ZC3H7B: variants seen among roughly 807,000 people sequenced by gnomAD.
The protein encoded by ZC3H7B is zinc finger CCCH-type containing 7B.
ZC3H7B carries 35 observed loss-of-function variants against 116.0 expected under a neutral mutation model. The ratio of observed to expected loss-of-function variants is 0.30; its 90% CI spans 0.23 to 0.40. The LOEUF (loss-of-function observed/expected upper bound fraction) is 0.40, where lower values mean the gene tolerates loss of function less well. ZC3H7B is among the 10% of genes least tolerant of loss of function. The probability of loss-of-function intolerance (pLI) is 1.00; values close to 1 mark genes in which losing one functional copy is unlikely to be tolerated. For synonymous variants in ZC3H7B, 502 were observed against 545.6 expected (o/e 0.92, Z 1.11); for missense variants, 1,011 against 1,321.5 (o/e 0.77, Z 3.64).
chr22:41,319,193 C>T (rs376096870), intron 1 of ZC3H7B, among the ~76,000 whole-genome samples: 2 of 151,946 alleles, frequency 1.3e-5, no homozygotes, highest in Admixed American at 6.6e-5. Context: ...CGAGGTCAGG[C>T]GATCGAGACC....
intron 20 of ZC3H7B, 60 bp from the exon 21 acceptor site, chr22:41,356,283 A>G (rs960344927): frequency 1.2e-6 from 2 of 1,605,602 alleles, no homozygotes; most frequent in Admixed American, 1.7e-5. Flanking sequence ...AGTGGGGACC[A>G]TGGGGCAGAA....
intron 16 of ZC3H7B, among the ~76,000 whole-genome samples, chr22:41,350,140 C>T (rs1441998834): frequency 6.6e-6 from 1 of 152,046 alleles, no homozygotes; most frequent in Non-Finnish European, 1.5e-5. Flanking sequence ...GACTTTTGAC[C>T]AGGGAAGGGC....
chr22:41,356,584 G>T, intron 21 of ZC3H7B, 61 bp from the exon 22 acceptor site: 2 of 1,610,452 alleles, frequency 1.2e-6, no homozygotes, highest in African/African-American at 1.3e-5. Flanking sequence ...CAGCCTCTCC[G>T]AGGTGGGTGG....
chr22:41,343,721 T>G, intron 13 of ZC3H7B, 145 bp downstream of exon 13: 1 of 1,180,656 alleles, frequency 8.5e-7, no homozygotes, highest in Non-Finnish European at 1.1e-6. Flanking sequence ...CCTAGGCTCC[T>G]GGGGCCCGTG....
At chr22:41,339,237 G>T in intron 9 of ZC3H7B, 46 bp downstream of exon 9, 1 of 1,549,316 alleles carries the variant, frequency 6.5e-7, no homozygotes, top group Non-Finnish European at 8.7e-7. Flanking sequence ...CCCTCTCCCC[G>T]CTGTGTCCCC....
intron 1 of ZC3H7B, among the ~76,000 whole-genome samples, chr22:41,315,965 A>G (rs537736496): frequency 6.6e-6 from 1 of 152,168 alleles, no homozygotes; most frequent in African/African-American, 2.4e-5. Flanking sequence ...TCACATACAA[A>G]ATACATTCAT....
intron 10 of ZC3H7B, 139 bp downstream of exon 10, chr22:41,340,276 G>A: frequency 1.0e-6 from 1 of 954,600 alleles, no homozygotes; most frequent in Non-Finnish European, 1.5e-6. Context: ...CCATGTCTGT[G>A]TGTTGCCGTC....
chr22:41,344,298 C>A (rs8139162), intron 13 of ZC3H7B, among the ~76,000 whole-genome samples: 55 of 152,298 alleles, frequency 3.6e-4, no homozygotes, highest in Non-Finnish European at 5.9e-4. Flanking sequence ...CCTGAACTTG[C>A]TCCTTGTCCT....
chr22:41,345,961 A>T (rs1349237009), intron 13 of ZC3H7B, 42 bp from the exon 14 acceptor site: 2 of 1,607,794 alleles, frequency 1.2e-6, no homozygotes, highest in Non-Finnish European at 1.7e-6. Flanking sequence ...GCGGGCTGCT[A>T]TCCCCGCCTG....
chr22:41,312,434 TTAATGATAA>T (rs1378891659), intron 1 of ZC3H7B, among the ~76,000 whole-genome samples: 11 of 134,484 alleles, frequency 8.2e-5, no homozygotes, highest in African/African-American at 1.3e-4. Context: ...AGACCCTGTC[TTAATGATAA>T]TAATAATAAT....
Position 41,351,741 on chromosome 22 carries a change from T to A in ZC3H7B, c.2034+95T>A, listed in dbSNP as rs2036656840. The A allele has an allele frequency of 8.3e-7, 1 of 1,202,572 alleles. No homozygotes were observed. The highest frequency in any genetic ancestry group is 1.2e-6 in the Non-Finnish European group (1 of 844,704). 74.5% of individuals were successfully genotyped at this position (1,202,572 alleles called of 1,614,324 possible). On this transcript the variant is annotated intron_variant, in intron 17 of 22. Coordinates refer to ENST00000352645, the MANE Select transcript of ZC3H7B (RefSeq NM_017590.6). This position sits in a 1 kb window ranked among gnomAD's most constrained non-coding sequence, Gnocchi z 5.1. ...TCTAATTTTACAATAGAGAAATGTT[T>A]ACAATGGAGGCACCTCGAATAAGTT...
At chr22:41,342,062 CAAAAA>C (rs917602066) in intron 11 of ZC3H7B, among the ~76,000 whole-genome samples, 2 of 88,066 alleles carry the variant, frequency 2.3e-5, no homozygotes, top group Admixed American at 2.5e-4. Flanking sequence ...AACTCCATCT[CAAAAA>C]AAAAAAAAAA....
intron 13 of ZC3H7B, 54 bp downstream of exon 13, chr22:41,343,630 C>T (rs2036550609): frequency 1.3e-6 from 2 of 1,505,068 alleles, no homozygotes; most frequent in South Asian, 1.3e-5. Flanking sequence ...CCCCTCCACC[C>T]CCAGCCGCTG....
At chr22:41,317,131 C>T (rs915855926) in intron 1 of ZC3H7B, among the ~76,000 whole-genome samples, 1 of 152,160 alleles carries the variant, frequency 6.6e-6, no homozygotes, top group Admixed American at 6.6e-5. Context: ...AGCCACCGTG[C>T]CTGGCCCCCA....
intron 12 of ZC3H7B, 89 bp downstream of exon 12, chr22:41,342,717 T>C: frequency 1.5e-6 from 2 of 1,300,022 alleles, no homozygotes; most frequent in South Asian, 2.6e-5. Flanking sequence ...AATCCCAGTG[T>C]CTCAGTTGGA....
intron 1 of ZC3H7B, among the ~76,000 whole-genome samples, chr22:41,317,169 G>T (rs910257943): frequency 2.6e-5 from 4 of 150,968 alleles, no homozygotes; most frequent in East Asian, 2.0e-4. Context: ...TGGTAGAGAT[G>T]GGGTTTCACC....
At chr22:41,339,756 C>T (rs552141255) in intron 9 of ZC3H7B, 60 bp from the exon 10 acceptor site, 10 of 1,483,718 alleles carry the variant, frequency 6.7e-6, no homozygotes, top group Non-Finnish European at 8.1e-6. Flanking sequence ...AGTCCTGATG[C>T]TGCCCAGGCC....
At chr22:41,312,192 C>T (rs537733236) in intron 1 of ZC3H7B, among the ~76,000 whole-genome samples, 2 of 150,614 alleles carry the variant, frequency 1.3e-5, no homozygotes, top group African/African-American at 2.4e-5. Flanking sequence ...CCTAGCTCGG[C>T]GTGGTGGCTC....
intron 7 of ZC3H7B, chr22:41,333,694 A>G (rs1298838088): frequency 1.3e-5 from 2 of 152,208 alleles, no homozygotes; most frequent in Non-Finnish European, 2.9e-5. Context: ...AAATGAATGA[A>G]AGGTGATTTG....
Sources: gnomAD v4.1 joint callset for allele counts (sites outside exome capture counted in the v4.1 genomes callset) on GRCh38, gnomAD v4.1.1 for gene constraint, Gnocchi (gnomAD v3.1) non-coding constraint, MANE v1.5 for transcripts, NCBI Gene and HGNC (gene_info 2026-07-23, HGNC 2026-07-21) for gene names.